TRIM33: variants seen among roughly 807,000 people sequenced by gnomAD.
TRIM33 encodes the protein E3 ubiquitin-protein ligase TRIM33.
A neutral mutation model predicts 125.4 loss-of-function variants in TRIM33; 20 were observed. The observed-to-expected ratio is 0.16, with a 90% CI of 0.11 to 0.23. The LOEUF is 0.23. TRIM33 is among the 10% of genes least tolerant of loss of function. The pLI is 1.00. For missense variants in TRIM33, 920 were observed against 1,411.4 expected (o/e 0.65, Z 5.58); for synonymous variants, 564 against 513.9 (o/e 1.10, Z -1.32).
At chr1:114,480,915 G>A (rs981340316) in intron 1 of TRIM33, among the ~76,000 whole-genome samples, 1 of 152,156 alleles carries the variant, frequency 6.6e-6, no homozygotes, top group African/African-American at 2.4e-5. Context: ...CCATAAGACA[G>A]CTGGAGTAGT....
chr1:114,443,383 C>CTG (rs1434473265), intron 4 of TRIM33, among the ~76,000 whole-genome samples: 2 of 135,426 alleles, frequency 1.5e-5, no homozygotes, highest in African/African-American at 6.5e-5. Flanking sequence ...GACTCCATCT[C>CTG]AAAATGAATG....
rs1651526205 is a variant in TRIM33 at position 114,396,034 on chromosome 1, A to G, written c.*1614T>C. ...GTCTACTCTCTGAACTGCTTAAATG[A>G]ATTTTTAAAAAGGCAAATAAATGAT... On this transcript the variant is annotated 3_prime_UTR_variant, in exon 20 of 20. Coordinates refer to ENST00000358465, the MANE Select transcript of TRIM33 (RefSeq NM_015906.4). The G allele has an allele frequency of 5.0e-6, 1 of 198,088 alleles. No homozygotes were observed. The highest frequency in any genetic ancestry group is 1.0e-5 in the Non-Finnish European group (1 of 95,664). 12.3% of individuals were successfully genotyped at this position (198,088 alleles called of 1,614,324 possible). A position where few individuals can be genotyped will look rare whatever the true frequency, so the allele number is the denominator to read the frequency against.
intron 18 of TRIM33, among the ~76,000 whole-genome samples, chr1:114,398,598 T>A (rs1317438859): frequency 6.6e-6 from 1 of 152,072 alleles, no homozygotes; most frequent in Admixed American, 6.5e-5. Flanking sequence ...TGTTTTGTTT[T>A]TGATTTTAAA....
At position 114,397,368 on chromosome 1, in the gene TRIM33, C is replaced by CAG. The variant is rs1285795531; in HGVS notation, c.*278_*279dup. The CAG allele has an allele frequency of 2.2e-6, 1 of 447,170 alleles. No individual in the cohort carries two copies. The highest frequency in any genetic ancestry group is 4.0e-6 in the Non-Finnish European group (1 of 250,398). 27.7% of individuals were successfully genotyped at this position (447,170 alleles called of 1,614,324 possible). ...ATCAATATTTGCCATTTCTAACAAT[C>CAG]AGAGAATCATCTCCATTAGAACAGA... On this transcript the variant is annotated 3_prime_UTR_variant, in exon 20 of 20. Coordinates refer to ENST00000358465, the MANE Select transcript of TRIM33 (RefSeq NM_015906.4).
In TRIM33 at chr1:114,492,897, T is replaced by A. The variant is rs147592448; in HGVS notation, c.526+17654A>T. On this transcript the variant is annotated intron_variant, in intron 1 of 19. Coordinates refer to ENST00000358465, the MANE Select transcript of TRIM33 (RefSeq NM_015906.4). ...TGGCAAGTATCTGTTTGAGTCCCAG[T>A]GTTCAATTCTTTTGGGTCACAGATA... Among the ~76,000 whole-genome samples, 654 of 152,356 alleles carry A rather than the reference T, an allele frequency of 4.3e-3. 2 individuals are homozygous for A. The highest frequency in any genetic ancestry group is 0.015 in the African/African-American group (603 of 41,574).
chr1:114,413,558 CAA>C (rs34268626), intron 11 of TRIM33, among the ~76,000 whole-genome samples: 7 of 40,790 alleles, frequency 1.7e-4, no homozygotes, highest in African/African-American at 2.4e-4. Context: ...AACTCCATCT[CAA>C]AAAAAAAAAA....
At chr1:114,441,522 G>C (rs1046814975) in intron 4 of TRIM33, among the ~76,000 whole-genome samples, 1 of 152,146 alleles carries the variant, frequency 6.6e-6, no homozygotes, top group African/African-American at 2.4e-5. Context: ...GCACAGAAGG[G>C]AACTCTTGAA....
chr1:114,473,704 T>A (rs745908964), intron 1 of TRIM33, among the ~76,000 whole-genome samples: 22 of 152,124 alleles, frequency 1.4e-4, no homozygotes, highest in Non-Finnish European at 1.3e-4. Context: ...ATTGATTCTT[T>A]GAAGAGAAAT....
intron 1 of TRIM33, among the ~76,000 whole-genome samples, chr1:114,473,328 C>T (rs766333471): frequency 1.3e-5 from 2 of 151,812 alleles, no homozygotes; most frequent in Non-Finnish European, 2.9e-5. Context: ...TGCGCCCTCA[C>T]AGATGGAGCA....
intron 1 of TRIM33, among the ~76,000 whole-genome samples, chr1:114,508,618 C>T (rs1653147178): frequency 6.6e-6 from 1 of 152,112 alleles, no homozygotes; most frequent in African/African-American, 2.4e-5. Context: ...CAGCCCTCAC[C>T]CTCACCCCAG....
Position 114,397,589 on chromosome 1 carries a change from G to GTTTTTTTTTTTTTTTTTTTTTTTT in TRIM33, c.*58_*59insAAAAAAAAAAAAAAAAAAAAAAAA. 6.3e-6 allele frequency: 4 copies of GTTTTTTTTTTTTTTTTTTTTTTTT among 637,680 alleles called. No homozygotes were observed. Among genetic ancestry groups the GTTTTTTTTTTTTTTTTTTTTTTTT allele is most frequent in the South Asian group, 4.1e-5 (2 of 48,374 alleles). The allele number at this position is 637,680 out of a possible 1,614,324, so 39.5% of individuals were successfully genotyped here. ...CTTAAAAGTTTTCTGGGTTTTTTGT[G>GTTTTTTTTTTTTTTTTTTTTTTTT]TTTTTTTTTTTTTTTTCGTTTTTTT... is the stretch of plus-strand genomic sequence containing the variant. On this transcript the variant is annotated 3_prime_UTR_variant, in exon 20 of 20. Transcript: ENST00000358465.
At chr1:114,437,283 T>A (rs1248945811) in intron 4 of TRIM33, among the ~76,000 whole-genome samples, 1 of 152,256 alleles carries the variant, frequency 6.6e-6, no homozygotes, top group Non-Finnish European at 1.5e-5. Flanking sequence ...TAGTTTTGAT[T>A]AATACATAAA....
intron 1 of TRIM33, among the ~76,000 whole-genome samples, chr1:114,487,821 C>T (rs1651800799): frequency 7.1e-6 from 1 of 140,968 alleles, no homozygotes; most frequent in South Asian, 2.3e-4. Flanking sequence ...GGCGTGAACC[C>T]GGGAAGCGGA....
rs545975231 is a variant in TRIM33, at chr1:114,440,942, A to G, written c.924-7209T>C. Reference sequence around the variant, plus strand: ...TTTAAAGACATCTTTGTTATTCTTTACACAGTTTCTTTAGGTATACTTCTG... The same window carrying G: ...TTTAAAGACATCTTTGTTATTCTTTGCACAGTTTCTTTAGGTATACTTCTG... On this transcript the variant is annotated intron_variant, in intron 4 of 19. Transcript: ENST00000358465. Among the ~76,000 whole-genome samples the G allele has an allele frequency of 2.0e-5, 3 of 152,338 alleles. No homozygotes were observed. In the East Asian group the frequency reaches 5.8e-4, roughly 29 times the overall value.
At chr1:114,453,038 G>A (rs114271743) in intron 4 of TRIM33, among the ~76,000 whole-genome samples, 3,919 of 152,182 alleles carry the variant, frequency 0.026, 87 homozygotes, top group Non-Finnish European at 0.034. Context: ...TGGTAGGGAG[G>A]GAAAAGAATG....
At chr1:114,479,766 T>C (rs1016294223) in intron 1 of TRIM33, among the ~76,000 whole-genome samples, 5 of 120,300 alleles carry the variant, frequency 4.2e-5, no homozygotes, top group Admixed American at 4.0e-4. Flanking sequence ...CTGAAGTGAA[T>C]TGTGGTGTTA....
intron 1 of TRIM33, among the ~76,000 whole-genome samples, chr1:114,483,248 A>G (rs1010400378): frequency 2.0e-5 from 3 of 152,118 alleles, no homozygotes; most frequent in Non-Finnish European, 4.4e-5. Flanking sequence ...TGAAGGCTGC[A>G]GAGAGCTGCG....
At chr1:114,483,191 C>T (rs1441404792) in intron 1 of TRIM33, among the ~76,000 whole-genome samples, 1 of 151,916 alleles carries the variant, frequency 6.6e-6, no homozygotes. Context: ...CTTGTAGTCC[C>T]AGCTACTCAG....
intron 12 of TRIM33, among the ~76,000 whole-genome samples, chr1:114,409,971 T>TAC (rs1652476361): frequency 6.6e-6 from 1 of 152,024 alleles, no homozygotes; most frequent in African/African-American, 2.4e-5. Context: ...ACTGTAACAA[T>TAC]ACTCTTACCT....
Sources: allele counts gnomAD v4.1 joint callset (sites outside exome capture counted in the v4.1 genomes callset), GRCh38; gene constraint gnomAD v4.1.1; transcripts MANE v1.5; gene names NCBI Gene and HGNC (gene_info 2026-07-23, HGNC 2026-07-21).